The following PCDHA3 variants were observed in gnomAD, a reference collection of about 807,000 sequenced individuals.
The protein encoded by PCDHA3 is protocadherin alpha 3.
In PCDHA3, 41 loss-of-function variants were observed where a neutral mutation model predicts 62.2. That is an observed-to-expected ratio of 0.66 (90% CI 0.51 to 0.86). PCDHA3 has a LOEUF of 0.86. Ranked by LOEUF, PCDHA3 falls within the 40% of genes least tolerant of loss-of-function variation. The pLI, the probability that PCDHA3 is intolerant of heterozygous loss-of-function variation, is 0.00. For synonymous variants in PCDHA3, 640 were observed against 555.4 expected (o/e 1.15, Z -2.14); for missense variants, 1,304 against 1,241.2 (o/e 1.05, Z -0.76).
intron 1 of PCDHA3, among the ~76,000 whole-genome samples, chr5:140,952,680 G>A (rs1013469820): frequency 6.6e-6 from 1 of 152,128 alleles, no homozygotes; most frequent in Middle Eastern, 3.2e-3. Flanking sequence ...CACATTTTCA[G>A]GATCTTTATA....
intron 1 of PCDHA3, chr5:140,928,747 C>T (rs781895762): frequency 2.5e-6 from 4 of 1,614,132 alleles, no homozygotes; most frequent in African/African-American, 2.7e-5. Context: ...AGGTGAGCTC[C>T]GTACTGCTCG....
chr5:140,802,700 G>A lies in PCDHA3; in HGVS notation c.1503G>A (p.Glu501=). The stretch of plus-strand genomic sequence containing the variant: ...CGCTGGTGGAACGGCGGGTGGGGGA[G>A]CGCGCGCTGTCGAGCTACGTGTCGG... ...SYSLVERRVG[E]RALSSYVSVH... The change falls in exon 1 of 4, where the codon GAG becomes GAA. Residue 501 remains glutamate (E), a synonymous_variant. Transcript: ENST00000522353. The A allele has an allele frequency of 1.2e-6, 2 of 1,612,564 alleles. No individual in the cohort carries two copies. The highest frequency in any genetic ancestry group is 3.3e-5 in the Admixed American group (2 of 60,014).
At chr5:140,960,162 C>T (rs782387212) in intron 1 of PCDHA3, among the ~76,000 whole-genome samples, 3 of 152,064 alleles carry the variant, frequency 2.0e-5, no homozygotes, top group Non-Finnish European at 4.4e-5. Context: ...ACTGATAATA[C>T]AATTCTTAAG....
At chr5:141,000,080 G>C (rs1554257118) in intron 3 of PCDHA3, among the ~76,000 whole-genome samples, 1 of 152,068 alleles carries the variant, frequency 6.6e-6, no homozygotes, top group Non-Finnish European at 1.5e-5. Flanking sequence ...ACAATGCTAG[G>C]CCTGTGAATG....
chr5:140,839,004 T>C (rs1554137267), intron 1 of PCDHA3, among the ~76,000 whole-genome samples: 1 of 152,116 alleles, frequency 6.6e-6, no homozygotes, highest in East Asian at 1.9e-4. Context: ...TAATATACTT[T>C]AGTAAATTAT....
intron 1 of PCDHA3, chr5:140,835,779 G>A (rs1195624528): frequency 1.2e-6 from 2 of 1,613,242 alleles, no homozygotes; most frequent in African/African-American, 1.3e-5. Context: ...GTTCGTGAAG[G>A]AGAACAACCC....
chr5:140,841,845 A>G, intron 1 of PCDHA3: 1 of 1,613,930 alleles, frequency 6.2e-7, no homozygotes, highest in Non-Finnish European at 8.5e-7. Context: ...CTTAGCTCTC[A>G]TGATTACTTC....
At chr5:140,970,862 T>C (rs2153787404) in intron 1 of PCDHA3, among the ~76,000 whole-genome samples, 1 of 152,312 alleles carries the variant, frequency 6.6e-6, no homozygotes, top group South Asian at 2.1e-4. Flanking sequence ...GTTCCATTCC[T>C]GATTGAGAGT....
intron 1 of PCDHA3, chr5:140,824,610 G>GTTTTTTTGT (rs1768198907): frequency 1.1e-5 from 1 of 95,104 alleles, no homozygotes; most frequent in Non-Finnish European, 1.9e-5. Flanking sequence ...GCTAATTAAA[G>GTTTTTTTGT]TTTTTTTTTT....
intron 1 of PCDHA3, chr5:140,926,614 C>A (rs2083406581): frequency 5.3e-6 from 2 of 377,642 alleles, no homozygotes; most frequent in Admixed American, 4.4e-5. Context: ...TCTCTGCACC[C>A]CTAGGCGGCG....
chr5:140,836,540 G>C (rs2150263388), intron 1 of PCDHA3: 5 of 1,613,664 alleles, frequency 3.1e-6, no homozygotes, highest in African/African-American at 1.3e-5. Flanking sequence ...TGCTGTACAC[G>C]GCGTTGCGGT....
intron 1 of PCDHA3, chr5:140,847,692 T>C (rs1011959129): frequency 1.3e-5 from 2 of 149,872 alleles, no homozygotes; most frequent in Non-Finnish European, 3.0e-5. Context: ...ACAACACATT[T>C]CTGGAAACAG....
At chr5:140,841,286 A>G in intron 1 of PCDHA3, 2 of 1,545,812 alleles carry the variant, frequency 1.3e-6, no homozygotes, top group Non-Finnish European at 1.7e-6. Context: ...TCTTTATATT[A>G]AGATAATATT....
At chr5:140,858,899 C>T (rs1236968449) in intron 1 of PCDHA3, 4 of 203,942 alleles carry the variant, frequency 2.0e-5, no homozygotes, top group Non-Finnish European at 3.0e-5. Flanking sequence ...ATATGTGTAG[C>T]GTACCACAGC....
At chr5:140,977,094 T>C (rs1291290436) in intron 1 of PCDHA3, among the ~76,000 whole-genome samples, 1 of 152,206 alleles carries the variant, frequency 6.6e-6, no homozygotes, top group Non-Finnish European at 1.5e-5. Context: ...AATGTGTCAT[T>C]GGGGAAGTGA....
chr5:140,928,177 A>G lies in PCDHA3; in HGVS notation c.2395-50772A>G, dbSNP rs781987562. Reference sequence around the variant, plus strand: ...TGGCTCACCCCCACTTAGCACCCGAAGGACAATCACTGTGTCAGTTGCTGA... The same window carrying G: ...TGGCTCACCCCCACTTAGCACCCGAGGGACAATCACTGTGTCAGTTGCTGA... On this transcript the variant is annotated intron_variant, in intron 1 of 3. Transcript: ENST00000522353. 8.7e-6 allele frequency: 14 copies of G among 1,614,218 alleles called. No homozygotes were observed. The East Asian group carries it at 2.7e-4, about 31-fold the overall frequency.
chr5:140,829,624 C>A, intron 1 of PCDHA3: 1 of 1,612,182 alleles, frequency 6.2e-7, no homozygotes, highest in Non-Finnish European at 8.5e-7. Context: ...TTTCGGTGCA[C>A]GCGGAGAGCG....
At chr5:140,876,169 C>G in intron 1 of PCDHA3, 1 of 1,613,916 alleles carries the variant, frequency 6.2e-7, no homozygotes, top group African/African-American at 1.3e-5. Context: ...AATAACCGTC[C>G]TGGATGTGAA....
At chr5:140,808,754 C>T (rs1764256292) in intron 1 of PCDHA3, 4 of 1,612,248 alleles carry the variant, frequency 2.5e-6, no homozygotes, top group Non-Finnish European at 3.4e-6. Context: ...GCTGCAGCCG[C>T]TGGACCACGA....
Sources: gnomAD v4.1 joint callset for allele counts (sites outside exome capture counted in the v4.1 genomes callset) on GRCh38, gnomAD v4.1.1 for gene constraint, MANE v1.5 for transcripts, NCBI Gene and HGNC (gene_info 2026-07-23, HGNC 2026-07-21) for gene names.